RAF1: variants seen among roughly 807,000 people sequenced by gnomAD.
RAF1 encodes the protein RAF proto-oncogene serine/threonine-protein kinase.
In RAF1, 27 loss-of-function variants were observed where a neutral mutation model predicts 81.1. That is an observed-to-expected ratio of 0.33 (90% confidence interval 0.25 to 0.46). The LOEUF (loss-of-function observed/expected upper bound fraction) is 0.46, where lower values mean the gene tolerates loss of function less well. Ranked by LOEUF, RAF1 falls within the 20% of genes least tolerant of loss-of-function variation. RAF1 has a pLI of 1.00. For synonymous variants in RAF1, 298 were observed against 294.0 expected, an observed-to-expected ratio of 1.01 and a Z score of -0.14; for missense variants, 598 against 826.0, an observed-to-expected ratio of 0.72 and a Z score of 3.38.
Position 12,604,236 on chromosome 3 carries a change from G to C in RAF1, c.734C>G (p.Pro245Arg), listed in dbSNP as rs2125398199. ...CTGGGAGAGGGAACCTTCAGATGAGGGACTGGAGGTGTTAAAGGTGAAGGC... is the reference window on the plus strand; with the variant it reads ...CTGGGAGAGGGAACCTTCAGATGAGCGACTGGAGGTGTTAAAGGTGAAGGC... Residue 245 changes from proline (P) to arginine (R), a missense_variant, in exon 7 of 18, where the codon CCC (proline) becomes CGC (arginine). Physicochemically the swap from Pro to Arg is moderately radical, Grantham distance 103. Transcript: ENST00000442415. 5 of 1,614,140 alleles carry C rather than the reference G, an allele frequency of 3.1e-6. No individual in the cohort carries two copies. Among genetic ancestry groups the C allele is most frequent in the Non-Finnish European group, 4.2e-6 (5 of 1,180,004 alleles).
intron 11 of RAF1, chr3:12,592,020 C>T: frequency 3.5e-6 from 2 of 569,606 alleles, no homozygotes; most frequent in Non-Finnish European, 3.2e-6. Flanking sequence ...TTAAGCAATC[C>T]TCCCACCTTG....
intron 1 of RAF1, among the ~76,000 whole-genome samples, chr3:12,633,934 C>CAAAAAAAAAAAAAAAAACAAA (rs2059939476): frequency 1.0e-5 from 1 of 95,542 alleles, no homozygotes. Context: ...AAAACTCTCT[C>CAAAAAAAAAAAAAAAAACAAA]AAAAAAAAAA....
At chr3:12,634,602 T>C (rs867244605) in intron 1 of RAF1, among the ~76,000 whole-genome samples, 2 of 152,282 alleles carry the variant, frequency 1.3e-5, no homozygotes, top group South Asian at 4.1e-4. Context: ...GTGCACCGGA[T>C]ACAAGAATCC....
At chr3:12,587,483 TA>T in intron 14 of RAF1, 107 bp downstream of exon 13, 1 of 1,092,180 alleles carries the variant, frequency 9.2e-7, no homozygotes, top group Non-Finnish European at 1.4e-6. Context: ...CCTCTTTCCT[TA>T]AAAAGATATC....
intron 1 of RAF1, among the ~76,000 whole-genome samples, chr3:12,635,665 G>A (rs897565270): frequency 1.3e-4 from 18 of 142,184 alleles, no homozygotes; most frequent in African/African-American, 4.4e-4. Flanking sequence ...AAAAAAGAGA[G>A]AGAGAGATTA....
At chr3:12,614,406 G>C (rs1297808870) in intron 2 of RAF1, among the ~76,000 whole-genome samples, 1 of 113,158 alleles carries the variant, frequency 8.8e-6, no homozygotes, top group Admixed American at 1.0e-4. Context: ...TTTTCTCTAC[G>C]TGCGTGCGTG....
chr3:12,652,250 T>G (rs549122585), intron 1 of RAF1, among the ~76,000 whole-genome samples: 1 of 151,614 alleles, frequency 6.6e-6, no homozygotes, highest in Non-Finnish European at 1.5e-5. Flanking sequence ...AGGCCAGGCG[T>G]AGTGACTCAC....
chr3:12,637,305 T>C (rs988538684), intron 1 of RAF1, among the ~76,000 whole-genome samples: 2 of 151,756 alleles, frequency 1.3e-5, no homozygotes, highest in African/African-American at 4.8e-5. Context: ...GAGTATTGTA[T>C]ATATGCATAT....
In RAF1 at chr3:12,612,057, A is replaced by G. The variant is rs1371647426; in HGVS notation, c.213T>C (p.Asn71=). ...CATGCAAGCTCATTCCATTTCGCAC[A>G]TTGACCTACAAACAAAGGACCACCT... The change falls in exon 3 of 18, where the codon AAT becomes AAC. Residue 71 remains asparagine, a synonymous_variant. Coordinates refer to ENST00000442415, the MANE Select transcript of RAF1 (RefSeq NM_001354689.3). 2 of 1,613,956 alleles carry G rather than the reference A, an allele frequency of 1.2e-6. No individual in the cohort carries two copies. Among genetic ancestry groups the G allele is most frequent in the East Asian group, 2.2e-5 (1 of 44,870 alleles).
chr3:12,644,787 A>C (rs2060294836), intron 1 of RAF1, among the ~76,000 whole-genome samples: 1 of 152,128 alleles, frequency 6.6e-6, no homozygotes, highest in African/African-American at 2.4e-5. Flanking sequence ...TTTTTCCTCA[A>C]ATACTATATT....
chr3:12,654,948 G>A (rs1387150538), intron 1 of RAF1, among the ~76,000 whole-genome samples: 1 of 150,792 alleles, frequency 6.6e-6, no homozygotes, highest in Admixed American at 6.6e-5. Flanking sequence ...GGCTAAAATG[G>A]GAGGATCAAT....
chr3:12,593,095 CT>C (rs11300070), intron 11 of RAF1, among the ~76,000 whole-genome samples: 58,501 of 142,494 alleles, frequency 0.41, 12,132 homozygotes, highest in African/African-American at 0.51. Flanking sequence ...TTCCTCCTTC[CT>C]TTTTTTTTTT....
At chr3:12,620,453 T>A (rs959613876) in intron 1 of RAF1, among the ~76,000 whole-genome samples, 2 of 151,814 alleles carry the variant, frequency 1.3e-5, no homozygotes, top group East Asian at 3.9e-4. Context: ...AATCCCTTCC[T>A]CCATCCACAC....
intron 7 of RAF1, 97 bp downstream of exon 7, chr3:12,604,039 C>T: frequency 1.4e-6 from 2 of 1,384,752 alleles, no homozygotes; most frequent in South Asian, 2.3e-5. Flanking sequence ...AGTGTTGCAA[C>T]ATTCCTTGAT....
chr3:12,657,888 A>AAAAC (rs1254897582), intron 1 of RAF1, among the ~76,000 whole-genome samples: 91 of 5,910 alleles, frequency 0.015, no homozygotes, highest in African/African-American at 0.11. Flanking sequence ...AAAACAAAAC[A>AAAAC]AAAAAAAACC....
At chr3:12,657,404 T>C (rs1395884837) in intron 1 of RAF1, among the ~76,000 whole-genome samples, 1 of 152,174 alleles carries the variant, frequency 6.6e-6, no homozygotes, top group Non-Finnish European at 1.5e-5. Context: ...AACATAACTT[T>C]CTATATCCTT....
intron 2 of RAF1, among the ~76,000 whole-genome samples, chr3:12,613,702 A>G (rs2125438437): frequency 6.6e-6 from 1 of 152,330 alleles, no homozygotes; most frequent in East Asian, 1.9e-4. Context: ...AGAGAAAACA[A>G]TCTAGGAAAG....
intron 5 of RAF1, among the ~76,000 whole-genome samples, chr3:12,606,704 G>GT (rs2059040788): frequency 6.6e-6 from 1 of 150,926 alleles, no homozygotes; most frequent in Admixed American, 6.6e-5. Flanking sequence ...GCTAATTTTC[G>GT]TATTTTTTTT....
rs528838030 is a variant in RAF1 at position 12,615,276 on chromosome 3, G to T, written c.208-3214C>A. Among the ~76,000 whole-genome samples, 209 of 152,298 alleles carry T rather than the reference G, an allele frequency of 1.4e-3. 1 individual carries two copies. Among genetic ancestry groups the T allele is most frequent in the Non-Finnish European group, 8.2e-4 (56 of 68,026 alleles). On this transcript the variant is annotated intron_variant, in intron 2 of 17. Transcript: ENST00000442415. ...GCAGCAATAGCAGCAACAGCAGCAG[G>T]AGGAAGTCAAAGAGGCACACATTTA...
Sources: gnomAD v4.1 joint callset for allele counts (sites outside exome capture counted in the v4.1 genomes callset) on GRCh38, gnomAD v4.1.1 for gene constraint, MANE v1.5 for transcripts, NCBI Gene and HGNC (gene_info 2026-07-23, HGNC 2026-07-21) for gene names.